The following FUT6 variants were observed in gnomAD, a reference collection of about 807,000 sequenced individuals.
FUT6 encodes the protein 4-galactosyl-N-acetylglucosaminide 3-alpha-L-fucosyltransferase FUT6.
For synonymous variants in FUT6, 187 were observed against 209.9 expected, an observed-to-expected ratio of 0.89 and a Z score of 0.94; for missense variants, 454 against 494.6, an observed-to-expected ratio of 0.92 and a Z score of 0.78.
rs73536616 is a variant in FUT6, at chr19:5,832,926, A to G, written c.-12-347T>C. 0.056 allele frequency: 16,907 copies of G among 300,142 alleles called. 802 individuals carry two copies. Among genetic ancestry groups the G allele is most frequent in the African/African-American group, 0.16 (7,418 of 46,906 alleles). 18.6% of individuals were successfully genotyped at this position (300,142 alleles called of 1,614,324 possible). A position where few individuals can be genotyped will look rare whatever the true frequency, so the allele number is the denominator to read the frequency against. On this transcript the variant is annotated intron_variant, in intron 2 of 2. Coordinates refer to ENST00000318336, the MANE Select transcript of FUT6 (RefSeq NM_000150.4). The surrounding 1 kb of genome is among the most constrained non-coding windows in gnomAD (Gnocchi z 4.3). ...TCAATCTGGAGAGAAGACACAGCCGATCATAAATGCCCCCCAGTGCCCCTG... is the reference window on the plus strand; with the variant it reads ...TCAATCTGGAGAGAAGACACAGCCGGTCATAAATGCCCCCCAGTGCCCCTG...
In FUT6 at chr19:5,831,975, T is replaced by A; in HGVS notation, c.593A>T (p.Asn198Ile). ...CACCCTGGCGGAGTTTGGCCCCCAG[T>A]TGGACACTGCCCAGGCCACCAGCTC... ...KTELVAWAVS[N>I]WGPNSARVRY... Residue 198 changes from asparagine (N) to isoleucine (I), a missense_variant, in exon 3 of 3, where the codon AAC becomes ATC. Transcript: ENST00000318336. The surrounding 1 kb of genome is among the most constrained non-coding windows in gnomAD (Gnocchi z 7.0). 6.2e-7 allele frequency: 1 copy of A among 1,613,914 alleles called. No homozygotes were observed. Among genetic ancestry groups the A allele is most frequent in the Non-Finnish European group, 8.5e-7 (1 of 1,179,902 alleles).
At position 5,839,620 on chromosome 19, in the gene FUT6, C is replaced by T. The variant is rs1346629662; in HGVS notation, c.-1084G>A. On this transcript the variant is annotated 5_prime_UTR_variant, in exon 1 of 3. Coordinates refer to ENST00000318336, the MANE Select transcript of FUT6 (RefSeq NM_000150.4). ...GGCCTCAACAAGCCCCTCTGTGTGCCTCAAAGCCACTTCCTTTCCCCACCC... is the reference window on the plus strand; with the variant it reads ...GGCCTCAACAAGCCCCTCTGTGTGCTTCAAAGCCACTTCCTTTCCCCACCC... 1 of 152,302 alleles carries T rather than the reference C, an allele frequency of 6.6e-6. No individual in the cohort carries two copies. The highest frequency in any genetic ancestry group is 1.9e-4 in the East Asian group (1 of 5,210). 9.4% of individuals were successfully genotyped at this position (152,302 alleles called of 1,614,324 possible).
At position 5,839,444 on chromosome 19, in the gene FUT6, A is replaced by G. The variant is rs1333956013; in HGVS notation, c.-908T>C. The G allele has an allele frequency of 6.6e-6, 1 of 152,286 alleles. No individual in the cohort carries two copies. Among genetic ancestry groups the G allele is most frequent in the Non-Finnish European group, 1.5e-5 (1 of 68,134 alleles). The allele number at this position is 152,286 out of a possible 1,614,324, so 9.4% of individuals were successfully genotyped here. A position where few individuals can be genotyped will look rare whatever the true frequency, so the allele number is the denominator to read the frequency against. ...GCAGAGCTGTTGCAGAGGCTGGGCCACGGTCAGCCATAGGGTGTTCAGCAC... is the reference window on the plus strand; with the variant it reads ...GCAGAGCTGTTGCAGAGGCTGGGCCGCGGTCAGCCATAGGGTGTTCAGCAC... On this transcript the variant is annotated 5_prime_UTR_variant, in exon 1 of 3. Coordinates refer to ENST00000318336, the MANE Select transcript of FUT6 (RefSeq NM_000150.4).
rs9807877 is a variant in FUT6, at chr19:5,832,578, A to C, written c.-11T>G. ...GCCCAGGGGATCCATGGGTCAGAGT[A>C]TCTGGGAAGTGGGGAGAGAGGAGTG... is the stretch of plus-strand genomic sequence containing the variant. On this transcript the variant is annotated splice_region_variant and 5_prime_UTR_variant, in exon 3 of 3. Coordinates refer to ENST00000318336, the MANE Select transcript of FUT6 (RefSeq NM_000150.4). The surrounding 1 kb of genome is among the most constrained non-coding windows in gnomAD (Gnocchi z 4.3). 663,090 of 1,608,160 alleles carry C rather than the reference A, an allele frequency of 0.41. 139,242 individuals carry two copies. Among genetic ancestry groups the C allele is most frequent in the Non-Finnish European group, 0.44 (512,356 of 1,175,522 alleles).
intron 2 of FUT6, chr19:5,833,024 C>T: frequency 4.9e-6 from 1 of 203,988 alleles, no homozygotes; most frequent in Non-Finnish European, 1.0e-5. Context: ...AATATAAGAG[C>T]TCACCAGATA....
Position 5,831,958 on chromosome 19 carries a change from C to T in FUT6, c.610G>A (p.Ala204Thr), listed in dbSNP as rs760575978. Residue 204 changes from alanine to threonine, a missense_variant, in exon 3 of 3, where the codon GCC (alanine) becomes ACC (threonine). Ala to Thr is a moderately conservative substitution (Grantham distance 58). Coordinates refer to ENST00000318336, the MANE Select transcript of FUT6 (RefSeq NM_000150.4). This position sits in a 1 kb window ranked among gnomAD's most constrained non-coding sequence, Gnocchi z 7.0. ...WAVSNWGPNSARVRYYQSLQA... is the reference protein window; with the variant it reads ...WAVSNWGPNSTRVRYYQSLQA... ...AGGCTCTGGTAGTAGCGCACCCTGG[C>T]GGAGTTTGGCCCCCAGTTGGACACT... 2.3e-5 allele frequency: 37 copies of T among 1,613,930 alleles called. No homozygotes were observed. In the South Asian group the frequency reaches 2.9e-4, roughly 12 times the overall value.
At chr19:5,835,769 G>A (rs188241965) in intron 1 of FUT6, among the ~76,000 whole-genome samples, 33 of 152,256 alleles carry the variant, frequency 2.2e-4, no homozygotes, top group African/African-American at 7.0e-4. Context: ...GTGAAACTCC[G>A]TCTCAACAAA....
rs920162367 is a variant in FUT6 at position 5,839,424 on chromosome 19, G to A, written c.-888C>T. ...TCTTCACCACTGGAGAGGAGGCAGA[G>A]CTGTTGCAGAGGCTGGGCCACGGTC... On this transcript the variant is annotated 5_prime_UTR_variant, in exon 1 of 3. Transcript: ENST00000318336. 2 of 152,426 alleles carry A rather than the reference G, an allele frequency of 1.3e-5. No homozygotes were observed. Among genetic ancestry groups the A allele is most frequent in the African/African-American group, 4.8e-5 (2 of 41,454 alleles). The allele number at this position is 152,426 out of a possible 1,614,324, so 9.4% of individuals were successfully genotyped here.
Position 5,831,585 on chromosome 19 carries a change from C to T in FUT6, c.983G>A (p.Arg328His), listed in dbSNP as rs370771147. Residue 328 changes from arginine (R) to histidine (H), a missense_variant, in exon 3 of 3, where the codon CGC (arginine) becomes CAC (histidine). By Grantham distance (29) the Arg-to-His change is conservative. Transcript: ENST00000318336. The surrounding 1 kb of genome is among the most constrained non-coding windows in gnomAD (Gnocchi z 7.0). The part of the protein sequence containing the change: ...YFRWRETLRP[R>H]SFSWALAFCK... Reference sequence around the variant, plus strand: ...GAAAGCGAGTGCCCAGCTGAAGGAGCGAGGCCGCAGCGTCTCCCGCCAGCG... The same window carrying T: ...GAAAGCGAGTGCCCAGCTGAAGGAGTGAGGCCGCAGCGTCTCCCGCCAGCG... The T allele has an allele frequency of 3.6e-5, 58 of 1,614,086 alleles. No individual in the cohort carries two copies. Among genetic ancestry groups the T allele is most frequent in the Non-Finnish European group, 4.5e-5 (53 of 1,180,002 alleles).
Position 5,832,457 on chromosome 19 carries a change from A to T in FUT6, c.111T>A (p.Ser37=). 1 of 1,613,850 alleles carries T rather than the reference A, an allele frequency of 6.2e-7. No homozygotes were observed. The highest frequency in any genetic ancestry group is 8.5e-7 in the Non-Finnish European group (1 of 1,179,986). The change falls in exon 3 of 3, where the codon TCT becomes TCA. Residue 37 remains serine, a synonymous_variant. Coordinates refer to ENST00000318336, the MANE Select transcript of FUT6 (RefSeq NM_000150.4). The surrounding 1 kb of genome is among the most constrained non-coding windows in gnomAD (Gnocchi z 4.3). ...AVCFFSYLRV[S]QDDPTVYPNG... ...TAGGGTACACAGTGGGATCGTCTTG[A>T]GACACACGCAGATAGGAGAAGAAAC...
At position 5,831,586 on chromosome 19, in the gene FUT6, G is replaced by C. The variant is rs375242162; in HGVS notation, c.982C>G (p.Arg328Gly). Residue 328 changes from arginine (R) to glycine (G), a missense_variant, in exon 3 of 3, where the codon CGC becomes GGC. Transcript: ENST00000318336. This position sits in a 1 kb window ranked among gnomAD's most constrained non-coding sequence, Gnocchi z 7.0. Reference sequence around the variant, plus strand: ...AAAGCGAGTGCCCAGCTGAAGGAGCGAGGCCGCAGCGTCTCCCGCCAGCGA... The same window carrying C: ...AAAGCGAGTGCCCAGCTGAAGGAGCCAGGCCGCAGCGTCTCCCGCCAGCGA... Reference protein sequence around the residue: ...YFRWRETLRPRSFSWALAFCK... With the variant: ...YFRWRETLRPGSFSWALAFCK... 1.9e-6 allele frequency: 3 copies of C among 1,613,992 alleles called. No homozygotes were observed. The highest frequency in any genetic ancestry group is 1.1e-5 in the South Asian group (1 of 91,088).
At position 5,832,145 on chromosome 19, in the gene FUT6, G is replaced by A; in HGVS notation, c.423C>T (p.His141=). ...CGTCCATGGCTTTCAGCTGCCAGCA[G>A]TGGCTTGGGGACTCCATGCTGAACC... The part of the protein sequence containing the change: ...WIWFSMESPS[H]CWQLKAMDGY... The change falls in exon 3 of 3, where the codon CAC becomes CAT. Residue 141 remains histidine, a synonymous_variant. Coordinates refer to ENST00000318336, the MANE Select transcript of FUT6 (RefSeq NM_000150.4). This position sits in a 1 kb window ranked among gnomAD's most constrained non-coding sequence, Gnocchi z 4.3. The A allele has an allele frequency of 4.3e-6, 7 of 1,613,948 alleles. No homozygotes were observed. The highest frequency in any genetic ancestry group is 5.9e-6 in the Non-Finnish European group (7 of 1,180,034).
At position 5,831,440 on chromosome 19, in the gene FUT6, G is replaced by T. The variant is rs2057089337; in HGVS notation, c.*48C>A. On this transcript the variant is annotated 3_prime_UTR_variant, in exon 3 of 3. Transcript: ENST00000318336. This position sits in a 1 kb window ranked among gnomAD's most constrained non-coding sequence, Gnocchi z 7.0. ...TAGATGAGGCCCCCACTCAGGTGAG[G>T]CCCCAGGAAAATGAGGTTCCTGGCA... 1 of 1,613,342 alleles carries T rather than the reference G, an allele frequency of 6.2e-7. No individual in the cohort carries two copies. The highest frequency in any genetic ancestry group is 8.5e-7 in the Non-Finnish European group (1 of 1,180,010).
intron 2 of FUT6, among the ~76,000 whole-genome samples, chr19:5,833,176 G>A (rs1038283182): frequency 2.0e-5 from 3 of 152,188 alleles, no homozygotes. Flanking sequence ...TTAGATTGGT[G>A]CAAAAGTAAT....
At position 5,831,603 on chromosome 19, in the gene FUT6, C is replaced by G. The variant is rs532975585; in HGVS notation, c.965G>C (p.Arg322Pro). The G allele has an allele frequency of 6.2e-7, 1 of 1,614,062 alleles. No homozygotes were observed. The highest frequency in any genetic ancestry group is 2.2e-5 in the East Asian group (1 of 44,882). ...GAAGGAGCGAGGCCGCAGCGTCTCC[C>G]GCCAGCGAAAGTAGCTCAGGTAGCG... is the stretch of plus-strand genomic sequence containing the variant. The part of the protein sequence containing the change: ...HARYLSYFRW[R>P]ETLRPRSFSW... Residue 322 changes from arginine (R) to proline (P), a missense_variant, in exon 3 of 3, where the codon CGG (arginine) becomes CCG (proline). Physicochemically the swap from Arg to Pro is moderately radical, Grantham distance 103. Coordinates refer to ENST00000318336, the MANE Select transcript of FUT6 (RefSeq NM_000150.4). The surrounding 1 kb of genome is among the most constrained non-coding windows in gnomAD (Gnocchi z 7.0).
chr19:5,833,058 C>A (rs2057129052), intron 2 of FUT6, among the ~76,000 whole-genome samples: 1 of 152,154 alleles, frequency 6.6e-6, no homozygotes, highest in South Asian at 2.1e-4. Flanking sequence ...GGAAAGGGTG[C>A]TCCTGGCAGA....
chr19:5,837,768 AAAAATAAAATAAAAT>A (rs78324382), intron 1 of FUT6: 1 of 151,822 alleles, frequency 6.6e-6, no homozygotes, highest in East Asian at 1.9e-4. Flanking sequence ...TCTGTCTCAA[AAAAATAAAATAAAAT>A]AAAATAAAAT....
At chr19:5,833,662 G>A (rs1160960112) in intron 2 of FUT6, among the ~76,000 whole-genome samples, 6 of 149,208 alleles carry the variant, frequency 4.0e-5, no homozygotes, top group Admixed American at 3.4e-4. Context: ...GCGTGGTGGC[G>A]GGCACCTGTA....
At position 5,831,193 on chromosome 19, in the gene FUT6, AT is replaced by A. The variant is rs898059550; in HGVS notation, c.*294del. ...CCAGTAGGCAAAGTCCCCAGGAGAC[AT>A]CCCCAGCAGGCCAGGCTTCCGCAGG... is the stretch of plus-strand genomic sequence containing the variant. On this transcript the variant is annotated 3_prime_UTR_variant, in exon 3 of 3. Transcript: ENST00000318336. The surrounding 1 kb of genome is among the most constrained non-coding windows in gnomAD (Gnocchi z 7.0). The A allele has an allele frequency of 9.7e-6, 7 of 719,490 alleles. No homozygotes were observed. In the African/African-American group the frequency reaches 1.2e-4, roughly 13 times the overall value. The allele number at this position is 719,490 out of a possible 1,614,324, so 44.6% of individuals were successfully genotyped here. A position where few individuals can be genotyped will look rare whatever the true frequency, so the allele number is the denominator to read the frequency against.
Sources: gnomAD v4.1 joint callset for allele counts (sites outside exome capture counted in the v4.1 genomes callset) on GRCh38, gnomAD v4.1.1 for gene constraint, Gnocchi (gnomAD v3.1) non-coding constraint, MANE v1.5 for transcripts, NCBI Gene and HGNC (gene_info 2026-07-23, HGNC 2026-07-21) for gene names.